The following SCAPER variants were observed in gnomAD, a reference collection of about 807,000 sequenced individuals.
SCAPER encodes S phase cyclin A-associated protein in the endoplasmic reticulum.
Under a neutral mutation model 182.2 loss-of-function variants are expected in SCAPER, and 98 were observed. That is an observed-to-expected ratio of 0.54 (90% CI 0.46 to 0.64). The LOEUF is 0.64. Among genes scored for constraint, SCAPER ranks in the 30% least tolerant of loss-of-function variants. SCAPER has a pLI of 0.00. For missense variants in SCAPER, 1,432 were observed against 1,690.0 expected (o/e 0.85, Z 2.68); for synonymous variants, 605 against 564.6 (o/e 1.07, Z -1.01).
At chr15:76,384,443 T>C (rs2938698) in intron 27 of SCAPER, among the ~76,000 whole-genome samples, 147,979 of 152,328 alleles carry the variant, frequency 0.97, 72,013 homozygotes, top group South Asian at 1. Context: ...CCGAAGAATA[T>C]GTGTAAAAAA....
intron 5 of SCAPER, among the ~76,000 whole-genome samples, chr15:76,817,298 T>G (rs183467077): frequency 2.3e-3 from 343 of 152,310 alleles, no homozygotes; most frequent in African/African-American, 7.9e-3. Context: ...TTGTGCTATG[T>G]GAAATAAGCC....
chr15:76,528,529 C>T (rs1473529864), intron 23 of SCAPER, among the ~76,000 whole-genome samples: 1 of 152,214 alleles, frequency 6.6e-6, no homozygotes, highest in African/African-American at 2.4e-5. Context: ...TTTTTAGCTT[C>T]TTCCTTTTCC....
chr15:76,498,007 A>AAT (rs1177662385), intron 24 of SCAPER, among the ~76,000 whole-genome samples: 8 of 150,386 alleles, frequency 5.3e-5, no homozygotes, highest in Non-Finnish European at 1.0e-4. Flanking sequence ...AAAAAAAAAA[A>AAT]AAAAAAAAAA....
intron 21 of SCAPER, among the ~76,000 whole-genome samples, chr15:76,646,526 T>A (rs967795054): frequency 1.2e-4 from 19 of 152,188 alleles, no homozygotes; most frequent in African/African-American, 4.6e-4. Flanking sequence ...AATGGCAATA[T>A]ATTACACAAA....
At chr15:76,403,794 A>G (rs1211851115) in intron 27 of SCAPER, among the ~76,000 whole-genome samples, 1 of 152,196 alleles carries the variant, frequency 6.6e-6, no homozygotes, top group African/African-American at 2.4e-5. Flanking sequence ...AAATGGAGGC[A>G]CTATTATCAA....
At chr15:76,769,839 C>A (rs995620819) in intron 10 of SCAPER, among the ~76,000 whole-genome samples, 6 of 152,092 alleles carry the variant, frequency 3.9e-5, no homozygotes, top group African/African-American at 1.2e-4. Flanking sequence ...TTTGACCCAG[C>A]GATCCCATTA....
At chr15:76,706,872 C>A (rs1430074407) in intron 17 of SCAPER, among the ~76,000 whole-genome samples, 1 of 151,976 alleles carries the variant, frequency 6.6e-6, no homozygotes, top group Non-Finnish European at 1.5e-5. Flanking sequence ...CACACATACA[C>A]ACACACACAA....
chr15:76,900,896 C>T (rs1255449119), intron 1 of SCAPER, among the ~76,000 whole-genome samples: 1 of 152,228 alleles, frequency 6.6e-6, no homozygotes, highest in African/African-American at 2.4e-5. Context: ...TTTGCAATCA[C>T]AGTTCCTCTC....
intron 28 of SCAPER, 141 bp downstream of exon 28, chr15:76,381,237 A>G (rs2042924483): frequency 6.6e-6 from 3 of 453,318 alleles, no homozygotes; most frequent in African/African-American, 6.1e-5. Flanking sequence ...TAGTAGTTTA[A>G]TAAATTATAA....
At chr15:76,884,835 G>C (rs2073756481) in intron 1 of SCAPER, among the ~76,000 whole-genome samples, 2 of 151,976 alleles carry the variant, frequency 1.3e-5, no homozygotes, top group African/African-American at 4.8e-5. Context: ...AAAATGGATA[G>C]ACCAAAAAAA....
chr15:76,733,798 A>G (rs144310513), intron 15 of SCAPER, among the ~76,000 whole-genome samples: 12 of 152,188 alleles, frequency 7.9e-5, no homozygotes, highest in Non-Finnish European at 1.2e-4. Flanking sequence ...CAGTCTTTAT[A>G]TAATAACATG....
At position 76,434,139 on chromosome 15, in the gene SCAPER, C is replaced by A; in HGVS notation, c.3250G>T (p.Glu1084Ter). The change falls in exon 26 of 32, where the codon GAA (glutamate) becomes TAA (stop). Residue 1084 changes from glutamate (E) to a stop codon, truncating the protein, a stop_gained. Transcript: ENST00000563290. LOFTEE classifies it high-confidence loss of function. ...QPATPKIPTQEMKNKPSQGDP... is the reference protein window; with the variant it reads ...QPATPKIPTQ ...CCTTGTGAGGGTTTGTTTTTCATTTCCTGTGTTGGTATTTTTGGGGTAGCT... is the reference window on the plus strand; with the variant it reads ...CCTTGTGAGGGTTTGTTTTTCATTTACTGTGTTGGTATTTTTGGGGTAGCT... 6.2e-7 allele frequency: 1 copy of A among 1,613,932 alleles called. No homozygotes were observed. The highest frequency in any genetic ancestry group is 8.5e-7 in the Non-Finnish European group (1 of 1,179,868).
intron 23 of SCAPER, among the ~76,000 whole-genome samples, chr15:76,531,646 T>C (rs923209303): frequency 4.7e-5 from 7 of 150,214 alleles, no homozygotes; most frequent in African/African-American, 1.5e-4. Context: ...TGTGTAAATA[T>C]ATGTTAAAAA....
At chr15:76,628,529 G>C (rs1416324717) in intron 21 of SCAPER, among the ~76,000 whole-genome samples, 2 of 152,184 alleles carry the variant, frequency 1.3e-5, no homozygotes, top group Non-Finnish European at 2.9e-5. Flanking sequence ...TCATTGAATA[G>C]GGAATCCTTT....
At chr15:76,768,911 T>C (rs1230405901) in intron 10 of SCAPER, among the ~76,000 whole-genome samples, 1 of 152,102 alleles carries the variant, frequency 6.6e-6, no homozygotes, top group African/African-American at 2.4e-5. Context: ...TAAAGAAAGA[T>C]GTAATTCAAA....
At chr15:76,749,155 T>C (rs569352476) in intron 15 of SCAPER, among the ~76,000 whole-genome samples, 3 of 150,734 alleles carry the variant, frequency 2.0e-5, no homozygotes, top group Admixed American at 6.6e-5. Flanking sequence ...AAAATGATAA[T>C]ATACTATGAA....
intron 14 of SCAPER, among the ~76,000 whole-genome samples, chr15:76,754,899 T>C (rs2062320823): frequency 6.6e-6 from 1 of 152,142 alleles, no homozygotes; most frequent in Non-Finnish European, 1.5e-5. Context: ...CTGCCCTGTG[T>C]ACATCATAGA....
intron 20 of SCAPER, among the ~76,000 whole-genome samples, chr15:76,696,536 C>T (rs1328870511): frequency 6.6e-6 from 1 of 151,896 alleles, no homozygotes; most frequent in African/African-American, 2.4e-5. Flanking sequence ...AATGTACATG[C>T]TTTTAAAGCT....
chr15:76,716,962 C>A (rs1598339484), intron 17 of SCAPER, among the ~76,000 whole-genome samples: 1 of 152,116 alleles, frequency 6.6e-6, no homozygotes, highest in East Asian at 1.9e-4. Context: ...AGAAGGTTCT[C>A]TCCAAGGTAC....
Sources: gnomAD v4.1 joint callset for allele counts (sites outside exome capture counted in the v4.1 genomes callset) on GRCh38, gnomAD v4.1.1 for gene constraint, MANE v1.5 for transcripts, NCBI Gene and HGNC (gene_info 2026-07-23, HGNC 2026-07-21) for gene names.